The following C19orf38 variants were observed in gnomAD, a reference collection of about 807,000 sequenced individuals.
C19orf38 encodes protein HIDE1.
C19orf38 carries 14 observed loss-of-function variants against 26.6 expected under a neutral mutation model. The observed-to-expected ratio is 0.53, with a 90% CI of 0.35 to 0.82. The LOEUF (loss-of-function observed/expected upper bound fraction) is 0.82, where lower values mean the gene tolerates loss of function less well. C19orf38 is among the 40% of genes least tolerant of loss of function. The probability of loss-of-function intolerance (pLI) is 0.01; values close to 1 mark genes in which losing one functional copy is unlikely to be tolerated. For missense variants in C19orf38, 261 were observed against 299.5 expected, an observed-to-expected ratio of 0.87 and a Z score of 0.95; for synonymous variants, 132 against 128.5, an observed-to-expected ratio of 1.03 and a Z score of -0.18.
chr19:10,859,011 C>T (rs1374376970), intron 4 of C19orf38, among the ~76,000 whole-genome samples: 3 of 150,266 alleles, frequency 2.0e-5, no homozygotes, highest in African/African-American at 7.4e-5. Flanking sequence ...ATCTCTGGCT[C>T]ACCGCAACCT....
intron 5 of C19orf38, among the ~76,000 whole-genome samples, chr19:10,862,463 C>T (rs2073708363): frequency 6.6e-6 from 1 of 152,052 alleles, no homozygotes; most frequent in Admixed American, 6.6e-5. Context: ...CCTTGGCCTT[C>T]CAAAGCGTTG....
At chr19:10,845,246 A>C (rs2073508106), upstream of C19orf38, among the ~76,000 whole-genome samples, 3 of 152,114 alleles carry the variant, frequency 2.0e-5, no homozygotes, top group Non-Finnish European at 4.4e-5. Context: ...TAATATTTAG[A>C]GAATATTATA....
At chr19:10,837,831 G>C (rs938768832) in intron 1 of C19orf38, among the ~76,000 whole-genome samples, 2 of 148,732 alleles carry the variant, frequency 1.3e-5, no homozygotes, top group Non-Finnish European at 3.0e-5. Flanking sequence ...ACAGGGTCTT[G>C]CTCTGTTGCC....
chr19:10,844,993 C>CAAAAAAAAAAAAAAAAAA (rs57500129), upstream of C19orf38, among the ~76,000 whole-genome samples: 7 of 95,812 alleles, frequency 7.3e-5, no homozygotes, highest in African/African-American at 1.9e-4. Context: ...CCTTTCTCTA[C>CAAAAAAAAAAAAAAAAAA]AAAAAAAAAA....
chr19:10,866,581 G>T (rs1430101368), intron 6 of C19orf38, among the ~76,000 whole-genome samples: 1 of 151,576 alleles, frequency 6.6e-6, no homozygotes. Context: ...CTGCACCCAG[G>T]TTCAAGCAAT....
chr19:10,857,356 ATATATATATATT>A lies in C19orf38; in HGVS notation c.434-958_434-947del, dbSNP rs1442667844. ...CACACATACATATATATATATATATATATATATATATTTTTTTTTTTTTTTTTTTAAGATGGA... is the reference window on the plus strand; with the variant it reads ...CACACATACATATATATATATATATATTTTTTTTTTTTTTTTTAAGATGGA... On this transcript the variant is annotated intron_variant, in intron 3 of 6. Coordinates refer to ENST00000397820, the MANE Select transcript of C19orf38 (RefSeq NM_001136482.3). Among the ~76,000 whole-genome samples the A allele has an allele frequency of 3.7e-5, 3 of 80,388 alleles. 1 individual carries two copies. 52.7% of individuals were successfully genotyped at this position (80,388 alleles called of 152,430 possible).
intron 2 of C19orf38, 96 bp from the exon 3 acceptor site, chr19:10,856,169 C>A: frequency 1.1e-6 from 1 of 942,706 alleles, no homozygotes; most frequent in Non-Finnish European, 1.6e-6. Flanking sequence ...CATTCATGTT[C>A]TTTGGTTGGG....
At position 10,857,366 on chromosome 19, in the gene C19orf38, A is replaced by ATATTTTTT. The variant is rs1433358051; in HGVS notation, c.434-949_434-948insATTTTTTT. On this transcript the variant is annotated intron_variant, in intron 3 of 6. Coordinates refer to ENST00000397820, the MANE Select transcript of C19orf38 (RefSeq NM_001136482.3). Reference sequence around the variant, plus strand: ...TATATATATATATATATATATATATATTTTTTTTTTTTTTTTTTTAAGATG... The same window carrying ATATTTTTT: ...TATATATATATATATATATATATATATATTTTTTTTTTTTTTTTTTTTTTTTTAAGATG... 1.8e-3 allele frequency among the ~76,000 whole-genome samples: 103 copies of ATATTTTTT among 56,076 alleles called. 4 individuals are homozygous for ATATTTTTT. The highest frequency in any genetic ancestry group is 0.014 in the African/African-American group (80 of 5,818). 36.8% of individuals were successfully genotyped at this position (56,076 alleles called of 152,430 possible). A position where few individuals can be genotyped will look rare whatever the true frequency, so the allele number is the denominator to read the frequency against.
upstream of C19orf38, among the ~76,000 whole-genome samples, chr19:10,844,325 C>A (rs2073499860): frequency 1.3e-5 from 2 of 151,836 alleles, no homozygotes. Flanking sequence ...ATCGCTTGAA[C>A]CCAGGAGGTG....
chr19:10,842,121 G>T (rs2073482563), intron 1 of C19orf38: 2 of 1,578,868 alleles, frequency 1.3e-6, no homozygotes, highest in African/African-American at 2.7e-5. Flanking sequence ...TGTATCCTCA[G>T]TTGACTCATT....
rs1437177837 is a variant in C19orf38 at position 10,850,410 on chromosome 19, G to C, written c.183G>C (p.Leu61=). 1 of 1,550,848 alleles carries C rather than the reference G, an allele frequency of 6.4e-7. No homozygotes were observed. ...GAGGGGGGCAGGTGGTCCAGCTCCTGCAGGCCCCCACGGACCAGCGCGGGG... is the reference window on the plus strand; with the variant it reads ...GAGGGGGGCAGGTGGTCCAGCTCCTCCAGGCCCCCACGGACCAGCGCGGGG... ...LYRGGQVVQL[L]QAPTDQRGVT... is the part of the protein sequence containing the mutation. Residue 61 remains leucine, a synonymous_variant, in exon 2 of 7, where the codon CTG becomes CTC. Coordinates refer to ENST00000397820, the MANE Select transcript of C19orf38 (RefSeq NM_001136482.3).
At chr19:10,863,253 A>C in intron 6 of C19orf38, 46 bp downstream of exon 6, 1 of 1,537,706 alleles carries the variant, frequency 6.5e-7, no homozygotes. Context: ...TGACCGTCCT[A>C]CCGGGAGAAC....
chr19:10,846,548 A>C (rs561975231), upstream of C19orf38, among the ~76,000 whole-genome samples: 1 of 152,256 alleles, frequency 6.6e-6, no homozygotes, highest in Non-Finnish European at 1.5e-5. Context: ...AAAGGCAATA[A>C]AATAGAAAAT....
chr19:10,867,387 C>T (rs1364080429), intron 6 of C19orf38, among the ~76,000 whole-genome samples: 1 of 149,348 alleles, frequency 6.7e-6, no homozygotes, highest in Non-Finnish European at 1.5e-5. Context: ...GGCAGATCAC[C>T]TGAGGTTGGG....
chr19:10,869,045 T>C (rs2073778165), intron 6 of C19orf38, among the ~76,000 whole-genome samples, 173 bp from the exon 7 acceptor site: 2 of 151,964 alleles, frequency 1.3e-5, no homozygotes, highest in African/African-American at 4.8e-5. Flanking sequence ...TGGTCCCCAG[T>C]TTAGCAGAGA....
chr19:10,866,339 C>CCT (rs2073751029), intron 6 of C19orf38, among the ~76,000 whole-genome samples: 1 of 149,700 alleles, frequency 6.7e-6, no homozygotes, highest in Non-Finnish European at 1.5e-5. Flanking sequence ...TACAGGCGAG[C>CCT]GCCAGCATGC....
intron 6 of C19orf38, among the ~76,000 whole-genome samples, chr19:10,867,100 T>G (rs1175165338): frequency 6.6e-6 from 1 of 151,662 alleles, no homozygotes; most frequent in Non-Finnish European, 1.5e-5. Flanking sequence ...CAGAAATTTC[T>G]CATCCTCCCA....
chr19:10,867,450 CAAA>C (rs536371317), intron 6 of C19orf38, among the ~76,000 whole-genome samples: 1 of 90,828 alleles, frequency 1.1e-5, no homozygotes, highest in Non-Finnish European at 2.3e-5. Context: ...ACTAAAACTA[CAAA>C]AAAAAAAAAA....
intron 2 of C19orf38, among the ~76,000 whole-genome samples, chr19:10,853,898 TG>T (rs779330501): frequency 0.015 from 2,263 of 146,848 alleles, 31 homozygotes; most frequent in South Asian, 0.019. Flanking sequence ...GTCCGGCTAA[TG>T]TTTTTTTTTT....
Sources: allele counts gnomAD v4.1 joint callset (sites outside exome capture counted in the v4.1 genomes callset), GRCh38; gene constraint gnomAD v4.1.1; transcripts MANE v1.5; gene names NCBI Gene and HGNC (gene_info 2026-07-23, HGNC 2026-07-21).